The following PTPRJ variants were observed in gnomAD, a reference collection of about 807,000 sequenced individuals.
The protein encoded by PTPRJ is protein tyrosine phosphatase receptor type J, also known as receptor-type tyrosine-protein phosphatase eta.
Under a neutral mutation model 141.3 loss-of-function variants are expected in PTPRJ, and 129 were observed. The ratio of observed to expected loss-of-function variants is 0.91; its 90% CI spans 0.79 to 1.06. PTPRJ has a LOEUF of 1.06. Among genes scored for constraint, PTPRJ ranks in the 50% least tolerant of loss-of-function variants. The pLI is 0.00. For missense variants in PTPRJ, 1,601 were observed against 1,679.7 expected, an observed-to-expected ratio of 0.95 and a Z score of 0.82; for synonymous variants, 610 against 640.5, an observed-to-expected ratio of 0.95 and a Z score of 0.72.
chr11:48,035,553 T>C (rs1207031444), intron 1 of PTPRJ, among the ~76,000 whole-genome samples: 3 of 142,870 alleles, frequency 2.1e-5, no homozygotes, highest in East Asian at 2.0e-4. Context: ...TTTTTTTTTT[T>C]TTTTTTTTTT....
intron 1 of PTPRJ, among the ~76,000 whole-genome samples, chr11:48,077,509 G>A (rs533002166): frequency 4.6e-5 from 7 of 152,212 alleles, no homozygotes; most frequent in South Asian, 2.1e-4. Flanking sequence ...TTTGATGGTC[G>A]TCCCAGGACA....
At chr11:48,041,017 C>A (rs1282541704) in intron 1 of PTPRJ, among the ~76,000 whole-genome samples, 2 of 152,102 alleles carry the variant, frequency 1.3e-5, no homozygotes, top group African/African-American at 2.4e-5. Context: ...GTCTGTGTCA[C>A]CCTCCTGCTC....
chr11:48,068,608 A>T (rs566218678), intron 1 of PTPRJ, among the ~76,000 whole-genome samples: 1 of 152,336 alleles, frequency 6.6e-6, no homozygotes, highest in East Asian at 1.9e-4. Context: ...CATTTGCAGC[A>T]TGAGAACAGA....
chr11:48,089,353 T>A (rs1855800323), intron 1 of PTPRJ, among the ~76,000 whole-genome samples: 1 of 151,914 alleles, frequency 6.6e-6, no homozygotes, highest in Non-Finnish European at 1.5e-5. Flanking sequence ...CCATCTCAAC[T>A]AAAAATACGA....
Position 48,121,002 on chromosome 11 carries a change from G to A in PTPRJ, c.353-1G>A. On this transcript the variant is annotated splice_acceptor_variant, in intron 3 of 24. Transcript: ENST00000418331. LOFTEE classifies it high-confidence loss of function. ...TTTTTTTTTTTTTTTTAACAATATA[G>A]GGCCCAGTCCTGTGTTTGACATTAA... 1 of 1,571,638 alleles carries A rather than the reference G, an allele frequency of 6.4e-7. No individual in the cohort carries two copies.
At chr11:48,147,185 A>G (rs887370116) in intron 15 of PTPRJ, among the ~76,000 whole-genome samples, 9 of 152,178 alleles carry the variant, frequency 5.9e-5, no homozygotes, top group Admixed American at 2.6e-4. Context: ...TAGACGCCAC[A>G]GTGTGGGATG....
intron 15 of PTPRJ, 23 bp from the exon 16 acceptor site, chr11:48,149,424 G>C: frequency 1.4e-6 from 2 of 1,469,734 alleles, no homozygotes; most frequent in Non-Finnish European, 1.9e-6. Flanking sequence ...TTTGTCTAAT[G>C]GGTCTCTTTT....
intron 1 of PTPRJ, among the ~76,000 whole-genome samples, chr11:48,070,152 A>C (rs1428558848): frequency 6.6e-6 from 1 of 152,142 alleles, no homozygotes; most frequent in East Asian, 1.9e-4. Context: ...TTTAGGGGCT[A>C]CCTGTATGGA....
At chr11:48,137,840 A>G (rs1228914231) in intron 10 of PTPRJ, among the ~76,000 whole-genome samples, 2 of 152,158 alleles carry the variant, frequency 1.3e-5, no homozygotes, top group Non-Finnish European at 2.9e-5. Context: ...TTTGTGCTGG[A>G]GAAGATGAAA....
At chr11:48,067,734 A>G (rs1246570159) in intron 1 of PTPRJ, among the ~76,000 whole-genome samples, 1 of 152,184 alleles carries the variant, frequency 6.6e-6, no homozygotes, top group South Asian at 2.1e-4. Flanking sequence ...TGTTTTACAG[A>G]TTGGTCCAAC....
intron 21 of PTPRJ, among the ~76,000 whole-genome samples, chr11:48,157,453 C>A (rs1857640653): frequency 6.6e-6 from 1 of 152,152 alleles, no homozygotes; most frequent in East Asian, 1.9e-4. Flanking sequence ...GGATTCGATT[C>A]CTTAAGCCAG....
At chr11:48,033,129 C>T (rs546194524) in intron 1 of PTPRJ, among the ~76,000 whole-genome samples, 1 of 151,872 alleles carries the variant, frequency 6.6e-6, no homozygotes, top group Non-Finnish European at 1.5e-5. Flanking sequence ...TAAGGGAATA[C>T]AGCGTGTTGA....
intron 2 of PTPRJ, 58 bp downstream of exon 2, chr11:48,110,134 CACAGCA>C: frequency 6.6e-7 from 1 of 1,524,650 alleles, no homozygotes; most frequent in South Asian, 1.1e-5. Flanking sequence ...CTAATGGACA[CACAGCA>C]ACATTAACAG....
chr11:48,078,162 A>C (rs1313495891), intron 1 of PTPRJ, among the ~76,000 whole-genome samples: 1 of 151,300 alleles, frequency 6.6e-6, no homozygotes, highest in African/African-American at 2.4e-5. Flanking sequence ...AGATTCAAGC[A>C]ATTTTCCTGC....
At chr11:48,114,592 T>C (rs190352962) in intron 3 of PTPRJ, among the ~76,000 whole-genome samples, 70 of 152,196 alleles carry the variant, frequency 4.6e-4, no homozygotes, top group African/African-American at 1.7e-3. Context: ...AGGAAGCCAA[T>C]CTACAATGAT....
At chr11:47,982,337 C>T (rs995814621) in intron 1 of PTPRJ, among the ~76,000 whole-genome samples, 1 of 152,188 alleles carries the variant, frequency 6.6e-6, no homozygotes, top group Non-Finnish European at 1.5e-5. Context: ...CTCAGTTAAC[C>T]GCATCTGTAG....
At chr11:48,131,986 A>C (rs184244338) in intron 8 of PTPRJ, 22 of 271,984 alleles carry the variant, frequency 8.1e-5, no homozygotes, top group Middle Eastern at 1.9e-3. Flanking sequence ...ACATTTTAAA[A>C]ATTTCTTCAT....
Position 47,980,722 on chromosome 11 carries a change from T to C in PTPRJ, c.-191T>C. ...GGCAGCCGCGCTAGGCTCCGGCGTG[T>C]GGCCGCGGCCGCCGCCGCCGCTGCC... On this transcript the variant is annotated 5_prime_UTR_variant, in exon 1 of 25. Coordinates refer to ENST00000418331, the MANE Select transcript of PTPRJ (RefSeq NM_002843.4). 4.0e-6 allele frequency: 4 copies of C among 1,000,202 alleles called. No individual in the cohort carries two copies. In the South Asian group the frequency reaches 1.9e-4, roughly 47 times the overall value. 62.0% of individuals were successfully genotyped at this position (1,000,202 alleles called of 1,614,324 possible).
At position 48,106,422 on chromosome 11, in the gene PTPRJ, G is replaced by A. The variant is rs367793530; in HGVS notation, c.97-3636G>A. On this transcript the variant is annotated intron_variant, in intron 1 of 24. Coordinates refer to ENST00000418331, the MANE Select transcript of PTPRJ (RefSeq NM_002843.4). ...CTGTTTCTGTGATTTAGGGCTGGAG[G>A]TTATGAAGACTTGGTTTACAATATG... Among the ~76,000 whole-genome samples, 10 of 152,344 alleles carry A rather than the reference G, an allele frequency of 6.6e-5. No homozygotes were observed. The East Asian group carries it at 1.5e-3, about 24-fold the overall frequency.
Sources: gnomAD v4.1 joint callset for allele counts (sites outside exome capture counted in the v4.1 genomes callset) on GRCh38, gnomAD v4.1.1 for gene constraint, MANE v1.5 for transcripts, NCBI Gene and HGNC (gene_info 2026-07-23, HGNC 2026-07-21) for gene names.